Variants in DTNB observed in about 807,000 individuals in gnomAD.
DTNB encodes DTN-B.
Under a neutral mutation model 90.7 loss-of-function variants are expected in DTNB, and 63 were observed. The ratio of observed to expected loss-of-function variants is 0.69; its 90% CI spans 0.57 to 0.86. DTNB has a LOEUF of 0.86. Among genes scored for constraint, DTNB ranks in the 40% least tolerant of loss-of-function variants. DTNB has a pLI of 0.00. For missense variants in DTNB, 744 were observed against 807.1 expected, an observed-to-expected ratio of 0.92 and a Z score of 0.95; for synonymous variants, 277 against 286.7, an observed-to-expected ratio of 0.97 and a Z score of 0.34.
At chr2:25,474,770 C>T (rs2063447826) in intron 10 of DTNB, among the ~76,000 whole-genome samples, 1 of 152,174 alleles carries the variant, frequency 6.6e-6, no homozygotes, top group Non-Finnish European at 1.5e-5. Context: ...TTTTTTCCAA[C>T]AGCATGTGCT....
chr2:25,420,462 A>AAATC (rs1281138713), intron 15 of DTNB, among the ~76,000 whole-genome samples: 288 of 145,710 alleles, frequency 2.0e-3, no homozygotes, highest in African/African-American at 6.1e-3. Context: ...TCTGTCATCT[A>AAATC]AATCAATCTA....
chr2:25,663,767 A>C (rs2083759295), intron 1 of DTNB, among the ~76,000 whole-genome samples: 1 of 152,200 alleles, frequency 6.6e-6, no homozygotes, highest in Admixed American at 6.5e-5. Context: ...CAAAATCTTC[A>C]GCAACGTGTT....
At chr2:25,458,404 C>G (rs1486078869) in intron 10 of DTNB, among the ~76,000 whole-genome samples, 3 of 148,930 alleles carry the variant, frequency 2.0e-5, no homozygotes, top group African/African-American at 7.4e-5. Flanking sequence ...AATGAGAAAT[C>G]AACAGTTAAA....
intron 1 of DTNB, among the ~76,000 whole-genome samples, chr2:25,669,170 AT>A (rs1005931371): frequency 9.2e-5 from 14 of 152,344 alleles, no homozygotes; most frequent in African/African-American, 1.9e-4. Flanking sequence ...GTTGGGGATG[AT>A]GAAAAAGCTC....
Position 25,645,341 on chromosome 2 carries a change from G to C in DTNB, c.68-6247C>G, listed in dbSNP as rs568032942. Among the ~76,000 whole-genome samples, 8 of 137,982 alleles carry C rather than the reference G, an allele frequency of 5.8e-5. No homozygotes were observed. The South Asian group carries it at 1.8e-3, about 32-fold the overall frequency. 90.5% of individuals were successfully genotyped at this position (137,982 alleles called of 152,430 possible). ...CCATTGCACTCCAGCCTGGGTGACA[G>C]AGCAAGACTCCATCACAAAAAAAAA... On this transcript the variant is annotated intron_variant, in intron 2 of 20. Coordinates refer to ENST00000406818, the MANE Select transcript of DTNB (RefSeq NM_021907.5).
intron 8 of DTNB, among the ~76,000 whole-genome samples, chr2:25,553,466 G>A (rs561868940): frequency 6.6e-6 from 1 of 152,026 alleles, no homozygotes; most frequent in Admixed American, 6.6e-5. Context: ...GGCTGGGTGC[G>A]GTGGCTCATG....
chr2:25,570,431 A>AG (rs2059692252), intron 8 of DTNB, among the ~76,000 whole-genome samples: 1 of 141,422 alleles, frequency 7.1e-6, no homozygotes, highest in Non-Finnish European at 1.5e-5. Context: ...AAAAAAAAAA[A>AG]GAAGAAAAAA....
At chr2:25,607,030 A>G (rs2067256570) in intron 5 of DTNB, among the ~76,000 whole-genome samples, 1 of 152,198 alleles carries the variant, frequency 6.6e-6, no homozygotes, top group African/African-American at 2.4e-5. Context: ...TCTCACTAAA[A>G]AGGACTAACA....
intron 9 of DTNB, among the ~76,000 whole-genome samples, chr2:25,494,801 C>A (rs183752539): frequency 2.0e-5 from 3 of 152,072 alleles, no homozygotes; most frequent in African/African-American, 7.2e-5. Context: ...AGTCACTTGC[C>A]TACTCTGGCA....
At chr2:25,455,285 G>C in intron 11 of DTNB, 120 bp downstream of exon 11, 1 of 868,596 alleles carries the variant, frequency 1.2e-6, no homozygotes, top group Non-Finnish European at 1.7e-6. Context: ...AAACATAGCT[G>C]GTAGCTGCTC....
chr2:25,442,248 G>A (rs545924760), intron 12 of DTNB, among the ~76,000 whole-genome samples: 16 of 152,344 alleles, frequency 1.1e-4, no homozygotes, highest in African/African-American at 3.6e-4. Context: ...TAAAATTATT[G>A]CCTTGTGCAC....
intron 2 of DTNB, among the ~76,000 whole-genome samples, chr2:25,644,043 T>A (rs1338100801): frequency 6.6e-6 from 1 of 152,112 alleles, no homozygotes; most frequent in African/African-American, 2.4e-5. Flanking sequence ...CATGACAACA[T>A]CAGGAAGTTA....
chr2:25,642,180 T>G (rs746725371), intron 2 of DTNB, among the ~76,000 whole-genome samples: 1 of 152,078 alleles, frequency 6.6e-6, no homozygotes, highest in Non-Finnish European at 1.5e-5. Flanking sequence ...AACAGCCAAT[T>G]TGGCATGCCT....
At chr2:25,533,130 C>A (rs1289165845) in intron 8 of DTNB, among the ~76,000 whole-genome samples, 1 of 151,954 alleles carries the variant, frequency 6.6e-6, no homozygotes, top group Non-Finnish European at 1.5e-5. Context: ...TTGAGATCAG[C>A]CTAAGCAACG....
At chr2:25,427,655 A>C in intron 14 of DTNB, 24 bp from the exon 15 acceptor site, 3 of 1,607,206 alleles carry the variant, frequency 1.9e-6, no homozygotes, top group Non-Finnish European at 2.5e-6. Flanking sequence ...GAAGCCTATC[A>C]GATAAAGAGA....
chr2:25,496,659 C>T (rs1249693164), intron 9 of DTNB, among the ~76,000 whole-genome samples: 2 of 152,048 alleles, frequency 1.3e-5, no homozygotes, highest in African/African-American at 4.8e-5. Context: ...GCGTGGCCAA[C>T]ATGTAAAGCC....
At chr2:25,586,299 T>A (rs905251293) in intron 6 of DTNB, among the ~76,000 whole-genome samples, 2 of 151,936 alleles carry the variant, frequency 1.3e-5, no homozygotes, top group Non-Finnish European at 2.9e-5. Flanking sequence ...TCACTTGAGG[T>A]CAGGAGTTTG....
chr2:25,389,345 A>T (rs2040440253), intron 16 of DTNB, among the ~76,000 whole-genome samples: 1 of 152,212 alleles, frequency 6.6e-6, no homozygotes, highest in Non-Finnish European at 1.5e-5. Context: ...GCAGGCTGCA[A>T]GCGGGGCCAT....
chr2:25,636,060 G>C (rs569381075), intron 3 of DTNB, among the ~76,000 whole-genome samples: 6 of 152,232 alleles, frequency 3.9e-5, no homozygotes, highest in South Asian at 2.1e-4. Flanking sequence ...CTCTTTAGCA[G>C]TAAAGAAAAT....
Sources: allele counts gnomAD v4.1 joint callset (sites outside exome capture counted in the v4.1 genomes callset), GRCh38; gene constraint gnomAD v4.1.1; transcripts MANE v1.5; gene names NCBI Gene and HGNC (gene_info 2026-07-23, HGNC 2026-07-21).